OTUD7A: variants seen among roughly 807,000 people sequenced by gnomAD.
The protein encoded by OTUD7A is OTU domain-containing protein 7A.
In OTUD7A, 12 loss-of-function variants were observed where a neutral mutation model predicts 65.7. The observed-to-expected ratio is 0.18, with a 90% confidence interval of 0.12 to 0.30. The LOEUF is 0.30. OTUD7A is among the 10% of genes least tolerant of loss of function. The pLI is 1.00. For missense variants in OTUD7A, 1,148 were observed against 1,304.8 expected (o/e 0.88, Z 1.85); for synonymous variants, 641 against 586.3 (o/e 1.09, Z -1.35).
At chr15:31,523,991 A>T (rs2041973969) in intron 8 of OTUD7A, among the ~76,000 whole-genome samples, 2 of 152,156 alleles carry the variant, frequency 1.3e-5, no homozygotes, top group Non-Finnish European at 2.9e-5. Flanking sequence ...CCCCATTCCC[A>T]GGAAAATGTT....
intron 1 of OTUD7A, among the ~76,000 whole-genome samples, chr15:31,695,983 G>T (rs1893071324): frequency 6.6e-6 from 1 of 152,194 alleles, no homozygotes; most frequent in Non-Finnish European, 1.5e-5. Context: ...GCACACACAG[G>T]CCTGTCCTTC....
intron 1 of OTUD7A, among the ~76,000 whole-genome samples, chr15:31,729,535 G>C (rs1893984762): frequency 6.6e-6 from 1 of 152,166 alleles, no homozygotes; most frequent in Non-Finnish European, 1.5e-5. Context: ...TCCTTTTAAA[G>C]TTAAAACTGG....
intron 8 of OTUD7A, among the ~76,000 whole-genome samples, chr15:31,515,806 C>T: frequency 6.6e-6 from 1 of 151,498 alleles, no homozygotes; most frequent in African/African-American, 2.4e-5. Flanking sequence ...TCCATCCACC[C>T]ACATGTCCAT....
intron 1 of OTUD7A, among the ~76,000 whole-genome samples, chr15:31,719,919 G>C (rs564514109): frequency 6.6e-6 from 1 of 151,974 alleles, no homozygotes; most frequent in Non-Finnish European, 1.5e-5. Flanking sequence ...CTCAGGCCTC[G>C]ACCATCCTCC....
rs1322958629 is a variant in OTUD7A, at chr15:31,768,034, T to G, written c.-100+102473A>C. 6 of 1,601,032 alleles carry G rather than the reference T, an allele frequency of 3.7e-6. No homozygotes were observed. The Admixed American group carries it at 1.0e-4, about 27-fold the overall frequency. On this transcript the variant is annotated intron_variant, in intron 1 of 12. Transcript: ENST00000307050. ...GACCAAAATTGCTATTATTTCTTAATAGGTCATAAAGCCAATCCCCTGCTT... is the reference window on the plus strand; with the variant it reads ...GACCAAAATTGCTATTATTTCTTAAGAGGTCATAAAGCCAATCCCCTGCTT...
At chr15:31,817,679 T>C (rs919239372) in intron 1 of OTUD7A, among the ~76,000 whole-genome samples, 3 of 152,054 alleles carry the variant, frequency 2.0e-5, no homozygotes, top group Non-Finnish European at 4.4e-5. Context: ...ACAACTAAGG[T>C]GATGTCCTGT....
At chr15:31,640,848 ATGTG>A (rs536505510) in intron 3 of OTUD7A, among the ~76,000 whole-genome samples, 6 of 151,868 alleles carry the variant, frequency 4.0e-5, no homozygotes, top group Admixed American at 6.6e-5. Flanking sequence ...ATGTGTGTGT[ATGTG>A]TGTGTGTATG....
intron 1 of OTUD7A, among the ~76,000 whole-genome samples, chr15:31,833,317 T>A (rs1240410583): frequency 2.0e-5 from 3 of 152,224 alleles, no homozygotes; most frequent in Non-Finnish European, 2.9e-5. Flanking sequence ...CCCTACACAT[T>A]TGCCCACGAG....
chr15:31,631,339 C>T (rs973543995), intron 3 of OTUD7A, among the ~76,000 whole-genome samples: 1 of 152,172 alleles, frequency 6.6e-6, no homozygotes, highest in Non-Finnish European at 1.5e-5. Flanking sequence ...ATTTCTCCTT[C>T]ACTTATGAAG....
Position 31,618,529 on chromosome 15 carries a change from A to C in OTUD7A, c.151+36567T>G, listed in dbSNP as rs574631444. 2.6e-5 allele frequency among the ~76,000 whole-genome samples: 4 copies of C among 152,258 alleles called. No individual in the cohort carries two copies. The South Asian group carries it at 8.3e-4, about 32-fold the overall frequency. On this transcript the variant is annotated intron_variant, in intron 3 of 12. Transcript: ENST00000307050. ...TTGATTTGCATTTCTCTGATGGCCA[A>C]TGATGATGAGCATTTTTTCATGTGT... is the stretch of plus-strand genomic sequence containing the variant.
At chr15:31,625,634 G>A (rs1890929297) in intron 3 of OTUD7A, among the ~76,000 whole-genome samples, 1 of 152,014 alleles carries the variant, frequency 6.6e-6, no homozygotes, top group African/African-American at 2.4e-5. Flanking sequence ...CATCTACCTG[G>A]GATCCAGAGA....
chr15:31,591,108 C>T (rs141267573), intron 3 of OTUD7A, among the ~76,000 whole-genome samples: 369 of 152,006 alleles, frequency 2.4e-3, no homozygotes, highest in Middle Eastern at 6.8e-3. Context: ...GTGGAAGCTT[C>T]CCGGGAGAGG....
chr15:31,817,738 C>G (rs1896586585), intron 1 of OTUD7A, among the ~76,000 whole-genome samples: 1 of 152,212 alleles, frequency 6.6e-6, no homozygotes, highest in Non-Finnish European at 1.5e-5. Context: ...CAGCCACCAC[C>G]CATGCCCTTG....
rs569593086 is a variant in OTUD7A, at chr15:31,596,965, C to T, written c.152-26768G>A. 1.1e-4 allele frequency among the ~76,000 whole-genome samples: 16 copies of T among 152,210 alleles called. No individual in the cohort carries two copies. The South Asian group carries it at 3.3e-3, about 32-fold the overall frequency. On this transcript the variant is annotated intron_variant, in intron 3 of 12. Coordinates refer to ENST00000307050, the MANE Select transcript of OTUD7A (RefSeq NM_001382637.1). Reference sequence around the variant, plus strand: ...ATTAAGACATGGTTTTACTCTATTACCCAGGCTGGAGTGCAGTGGCATGAT... The same window carrying T: ...ATTAAGACATGGTTTTACTCTATTATCCAGGCTGGAGTGCAGTGGCATGAT...
Position 31,511,707 on chromosome 15 carries a change from C to CACATATATGTATATCTATATGTAACAT in OTUD7A, c.894-7890_894-7889insATGTTACATATAGATATACATATATGT, listed in dbSNP as rs1566893844. Among the ~76,000 whole-genome samples, 12 of 6,840 alleles carry CACATATATGTATATCTATATGTAACAT rather than the reference C, an allele frequency of 1.8e-3. 5 individuals carry two copies. The highest frequency in any genetic ancestry group is 3.0e-3 in the Non-Finnish European group (12 of 3,970). 4.5% of individuals were successfully genotyped at this position (6,840 alleles called of 152,430 possible). Reference sequence around the variant, plus strand: ...CATATATGTATATCTATATGTAACACACATATATATGTATATCTATATGTA... The same window carrying CACATATATGTATATCTATATGTAACAT: ...CATATATGTATATCTATATGTAACACACATATATGTATATCTATATGTAACATACATATATATGTATATCTATATGTA... On this transcript the variant is annotated intron_variant, in intron 8 of 12. Transcript: ENST00000307050.
chr15:31,527,440 G>A (rs1453097956), intron 6 of OTUD7A, 132 bp from the exon 7 acceptor site: 6 of 1,223,392 alleles, frequency 4.9e-6, no homozygotes, highest in African/African-American at 1.5e-5. Context: ...CTTACTCAGC[G>A]GTTCTGTTAA....
At chr15:31,515,194 G>A (rs2041824912) in intron 8 of OTUD7A, among the ~76,000 whole-genome samples, 1 of 152,198 alleles carries the variant, frequency 6.6e-6, no homozygotes, top group Non-Finnish European at 1.5e-5. Flanking sequence ...GGAGGGGGCA[G>A]TGCTGGAAAG....
At chr15:31,770,985 G>A (rs959822069) in intron 1 of OTUD7A, among the ~76,000 whole-genome samples, 4 of 152,198 alleles carry the variant, frequency 2.6e-5, no homozygotes, top group South Asian at 2.1e-4. Flanking sequence ...CTGCACCTAC[G>A]ATCAAGAGCA....
intron 4 of OTUD7A, among the ~76,000 whole-genome samples, chr15:31,563,201 T>C (rs1416732436): frequency 6.6e-6 from 1 of 151,986 alleles, no homozygotes; most frequent in Non-Finnish European, 1.5e-5. Context: ...GATAAGATAA[T>C]GGGTTGGTTT....
Sources: allele counts gnomAD v4.1 joint callset (sites outside exome capture counted in the v4.1 genomes callset), GRCh38; gene constraint gnomAD v4.1.1; transcripts MANE v1.5; gene names NCBI Gene and HGNC (gene_info 2026-07-23, HGNC 2026-07-21).